SPIRE1: variants seen among roughly 807,000 people sequenced by gnomAD.
The protein encoded by SPIRE1 is spire type actin nucleation factor 1.
In SPIRE1, 40 loss-of-function variants were observed where a neutral mutation model predicts 94.1. That is an observed-to-expected ratio of 0.43 (90% CI 0.33 to 0.55). The LOEUF (loss-of-function observed/expected upper bound fraction) is 0.55. Ranked by LOEUF, SPIRE1 falls within the 20% of genes least tolerant of loss-of-function variation. SPIRE1 has a pLI of 0.06. For synonymous variants in SPIRE1, 376 were observed against 371.7 expected, an observed-to-expected ratio of 1.01 and a Z score of -0.13; for missense variants, 838 against 975.2, an observed-to-expected ratio of 0.86 and a Z score of 1.87.
intron 2 of SPIRE1, among the ~76,000 whole-genome samples, chr18:12,605,556 T>A (rs181843385): frequency 2.2e-4 from 33 of 152,164 alleles, no homozygotes; most frequent in Non-Finnish European, 1.0e-4. Flanking sequence ...ACCTTACTTA[T>A]TTGCTAGCAG....
intron 8 of SPIRE1, among the ~76,000 whole-genome samples, chr18:12,488,505 C>A (rs979243937): frequency 3.7e-4 from 56 of 152,078 alleles, no homozygotes; most frequent in Non-Finnish European, 6.3e-4. Flanking sequence ...ACTTCTAATA[C>A]CCCAATTTAA....
chr18:12,467,992 C>T (rs930375977), intron 10 of SPIRE1, among the ~76,000 whole-genome samples: 1 of 151,890 alleles, frequency 6.6e-6, no homozygotes, highest in Non-Finnish European at 1.5e-5. Context: ...TCTAATTTTA[C>T]ACGTTGTTAC....
At chr18:12,546,970 C>T (rs2035191949) in intron 2 of SPIRE1, 66 bp from the exon 3 acceptor site, 4 of 1,086,134 alleles carry the variant, frequency 3.7e-6, no homozygotes, top group Non-Finnish European at 5.3e-6. Context: ...AATTGTGAGG[C>T]ATAAGATGTT....
intron 2 of SPIRE1, among the ~76,000 whole-genome samples, chr18:12,568,904 C>T (rs1475474018): frequency 1.3e-5 from 2 of 152,136 alleles, no homozygotes; most frequent in Non-Finnish European, 2.9e-5. Flanking sequence ...CCAGCCTGAA[C>T]AGCTCTGAAA....
chr18:12,622,737 T>C (rs183686236), intron 2 of SPIRE1, among the ~76,000 whole-genome samples: 2 of 152,208 alleles, frequency 1.3e-5, no homozygotes, highest in Non-Finnish European at 2.9e-5. Flanking sequence ...CTGTGTCCAA[T>C]CTTTAACATG....
chr18:12,556,883 T>C (rs1304420378), intron 2 of SPIRE1, among the ~76,000 whole-genome samples: 3 of 152,122 alleles, frequency 2.0e-5, no homozygotes, highest in Non-Finnish European at 2.9e-5. Context: ...ACTGCTGGCT[T>C]GGGCAGCCTG....
At chr18:12,533,742 C>T (rs2034756920) in intron 4 of SPIRE1, among the ~76,000 whole-genome samples, 1 of 152,110 alleles carries the variant, frequency 6.6e-6, no homozygotes, top group African/African-American at 2.4e-5. Flanking sequence ...CATGTACACC[C>T]TAAAAATAAT....
chr18:12,657,968 C>A lies in SPIRE1; in HGVS notation c.-102G>T. ...GCCGCCGCCTCACCATCCCCGGAACCGCCGCCGCCCAACGCGGCCGCGCGC... is the reference window on the plus strand; with the variant it reads ...GCCGCCGCCTCACCATCCCCGGAACAGCCGCCGCCCAACGCGGCCGCGCGC... On this transcript the variant is annotated 5_prime_UTR_variant, in exon 1 of 17. Transcript: ENST00000409402. 1 of 996,570 alleles carries A rather than the reference C, an allele frequency of 1.0e-6. No homozygotes were observed. The highest frequency in any genetic ancestry group is 1.2e-6 in the Non-Finnish European group (1 of 838,166). 61.7% of individuals were successfully genotyped at this position (996,570 alleles called of 1,614,324 possible). A position where few individuals can be genotyped will look rare whatever the true frequency, so the allele number is the denominator to read the frequency against.
intron 2 of SPIRE1, among the ~76,000 whole-genome samples, chr18:12,569,944 G>GT (rs1598481839): frequency 6.6e-6 from 1 of 152,200 alleles, no homozygotes; most frequent in Admixed American, 6.5e-5. Context: ...ATATCTACTT[G>GT]TTTATCCTGT....
At chr18:12,571,050 T>G (rs2035948488) in intron 2 of SPIRE1, among the ~76,000 whole-genome samples, 1 of 152,092 alleles carries the variant, frequency 6.6e-6, no homozygotes, top group Non-Finnish European at 1.5e-5. Flanking sequence ...CATATTTATC[T>G]CAAACCTATT....
intron 2 of SPIRE1, among the ~76,000 whole-genome samples, chr18:12,624,621 G>A (rs537954823): frequency 5.8e-4 from 87 of 149,256 alleles, no homozygotes; most frequent in Middle Eastern, 7.2e-3. Context: ...AGTAAATATG[G>A]TAAACTCTTT....
chr18:12,512,427 A>C, intron 5 of SPIRE1, 27 bp downstream of exon 5: 1 of 1,539,662 alleles, frequency 6.5e-7, no homozygotes, highest in Non-Finnish European at 8.9e-7. Flanking sequence ...GACAGTAAAC[A>C]GATCAGAAAG....
intron 8 of SPIRE1, among the ~76,000 whole-genome samples, chr18:12,492,611 T>C (rs2033276974): frequency 6.6e-6 from 1 of 152,188 alleles, no homozygotes; most frequent in Non-Finnish European, 1.5e-5. Context: ...TTTTAAAATA[T>C]AATACGTTAT....
At chr18:12,580,966 T>C (rs2036243004) in intron 2 of SPIRE1, among the ~76,000 whole-genome samples, 1 of 152,168 alleles carries the variant, frequency 6.6e-6, no homozygotes, top group Non-Finnish European at 1.5e-5. Context: ...TCTCTTTTCT[T>C]ATTGCCACAT....
At chr18:12,504,533 G>C (rs937692706) in intron 6 of SPIRE1, among the ~76,000 whole-genome samples, 1 of 152,062 alleles carries the variant, frequency 6.6e-6, no homozygotes, top group Non-Finnish European at 1.5e-5. Context: ...AAAACCAAGT[G>C]ATGTTTCATA....
chr18:12,579,554 A>C (rs529961886), intron 2 of SPIRE1, among the ~76,000 whole-genome samples: 2 of 152,352 alleles, frequency 1.3e-5, no homozygotes, highest in South Asian at 4.1e-4. Context: ...AAAGTTTGGG[A>C]AACAGATAGT....
intron 2 of SPIRE1, among the ~76,000 whole-genome samples, chr18:12,617,018 C>T (rs1469926660): frequency 6.6e-6 from 1 of 151,704 alleles, no homozygotes; most frequent in Non-Finnish European, 1.5e-5. Context: ...CACCACCATG[C>T]CCAGCTAACT....
At chr18:12,485,223 G>A (rs2032993795) in intron 9 of SPIRE1, among the ~76,000 whole-genome samples, 1 of 151,092 alleles carries the variant, frequency 6.6e-6, no homozygotes, top group Non-Finnish European at 1.5e-5. Flanking sequence ...TCCTGCCTCA[G>A]CCTCCCAAGC....
chr18:12,490,917 A>G (rs766397589), intron 8 of SPIRE1, among the ~76,000 whole-genome samples: 4 of 152,178 alleles, frequency 2.6e-5, no homozygotes, highest in Non-Finnish European at 4.4e-5. Flanking sequence ...TAGTACTGGT[A>G]GTTCTAGCCA....
Sources: allele counts gnomAD v4.1 joint callset (sites outside exome capture counted in the v4.1 genomes callset), GRCh38; gene constraint gnomAD v4.1.1; transcripts MANE v1.5; gene names NCBI Gene and HGNC (gene_info 2026-07-23, HGNC 2026-07-21).